ARHGEF2: variants seen among roughly 807,000 people sequenced by gnomAD.
ARHGEF2 encodes the protein Rho/Rac guanine nucleotide exchange factor 2.
Under a neutral mutation model 121.0 loss-of-function variants are expected in ARHGEF2, and 22 were observed. The ratio of observed to expected loss-of-function variants is 0.18; its 90% CI spans 0.13 to 0.26. ARHGEF2 has a LOEUF of 0.26. Among genes scored for constraint, ARHGEF2 ranks in the 10% least tolerant of loss-of-function variants. The pLI, the probability that ARHGEF2 is intolerant of heterozygous loss-of-function variation, is 1.00. For synonymous variants in ARHGEF2, 487 were observed against 530.0 expected, an observed-to-expected ratio of 0.92 and a Z score of 1.11; for missense variants, 907 against 1,336.0, an observed-to-expected ratio of 0.68 and a Z score of 5.01.
intron 1 of ARHGEF2, among the ~76,000 whole-genome samples, chr1:155,975,876 AGAG>A (rs1681212006): frequency 6.6e-6 from 1 of 152,140 alleles, no homozygotes; most frequent in Non-Finnish European, 1.5e-5. Context: ...GGGACTAAAG[AGAG>A]AAAGGGGACC....
Position 155,950,232 on chromosome 1 carries a change from C to G in ARHGEF2, c.2887+67G>C, listed in dbSNP as rs754300617. 2 of 1,568,426 alleles carry G rather than the reference C, an allele frequency of 1.3e-6. No individual in the cohort carries two copies. Among genetic ancestry groups the G allele is most frequent in the Non-Finnish European group, 1.7e-6 (2 of 1,155,110 alleles). On this transcript the variant is annotated intron_variant, in intron 21 of 21. Transcript: ENST00000361247. The surrounding 1 kb of genome is among the most constrained non-coding windows in gnomAD (Gnocchi z 5.2). Reference sequence around the variant, plus strand: ...AGGTCAGTTAGGGCCCATTTGGAAGCCACAGCCCAATGGCCTGTACCCAGG... The same window carrying G: ...AGGTCAGTTAGGGCCCATTTGGAAGGCACAGCCCAATGGCCTGTACCCAGG...
rs1453537762 is a variant in ARHGEF2 at position 155,955,523 on chromosome 1, T to A, written c.1716-554A>T. On this transcript the variant is annotated intron_variant, in intron 13 of 21. Coordinates refer to ENST00000361247, the MANE Select transcript of ARHGEF2 (RefSeq NM_001162383.2). ...AGTGCAGAGGGTCAAGTACAGGCTT[T>A]GGCATCAAGCAAACAGGATGCAAAT... Among the ~76,000 whole-genome samples, 3 of 152,202 alleles carry A rather than the reference T, an allele frequency of 2.0e-5. No homozygotes were observed. In the East Asian group the frequency reaches 5.8e-4, roughly 29 times the overall value.
Position 155,951,215 on chromosome 1 carries a change from G to GCTCAGGGCC in ARHGEF2, c.2308_2316dup (p.Gly770_Glu772dup). ...TTGGCTCGGCACAGCTTCTCCCGCC[G>GCTCAGGGCC]CTCAGGGCCCTCAGGGAACCGGGCT... On this transcript the variant is annotated inframe_insertion, in exon 20 of 22. Transcript: ENST00000361247. The surrounding 1 kb of genome is among the most constrained non-coding windows in gnomAD (Gnocchi z 5.1). 6.2e-7 allele frequency: 1 copy of GCTCAGGGCC among 1,611,270 alleles called. No homozygotes were observed.
chr1:155,955,655 A>G (rs886121035), intron 13 of ARHGEF2, among the ~76,000 whole-genome samples: 2 of 152,210 alleles, frequency 1.3e-5, no homozygotes, highest in Admixed American at 6.5e-5. Flanking sequence ...GAAATGTTAA[A>G]GTGCTTTGAA....
At chr1:155,966,534 A>G (rs970315148) in intron 3 of ARHGEF2, 55 bp from the exon 4 acceptor site, 33 of 1,592,582 alleles carry the variant, frequency 2.1e-5, no homozygotes, top group Non-Finnish European at 2.8e-5. Context: ...CCCAAGGATC[A>G]CCCCCAGAGG....
intron 1 of ARHGEF2, among the ~76,000 whole-genome samples, chr1:155,973,895 G>A (rs1303792357): frequency 2.0e-5 from 3 of 152,244 alleles, no homozygotes; most frequent in East Asian, 1.9e-4. Flanking sequence ...AAACAGTGAC[G>A]TACATGGAGG....
Position 155,963,041 on chromosome 1 carries a change from G to A in ARHGEF2, c.867C>T (p.Ile289=). ...ATAGCTGGCTGAGGAAGCGTGTATGGATGTCACTGAGCTCGTCCACGCAGG... is the reference window on the plus strand; with the variant it reads ...ATAGCTGGCTGAGGAAGCGTGTATGAATGTCACTGAGCTCGTCCACGCAGG... ...LFPCVDELSD[I]HTRFLSQLLE... Residue 289 remains isoleucine, a synonymous_variant, in exon 8 of 22, where the codon ATC becomes ATT. Transcript: ENST00000361247. The A allele has an allele frequency of 6.2e-7, 1 of 1,614,138 alleles. No individual in the cohort carries two copies. Among genetic ancestry groups the A allele is most frequent in the South Asian group, 1.1e-5 (1 of 91,082 alleles).
At chr1:155,960,219 C>CT (rs775851915) in intron 11 of ARHGEF2, among the ~76,000 whole-genome samples, 9 of 152,144 alleles carry the variant, frequency 5.9e-5, no homozygotes, top group Non-Finnish European at 1.2e-4. Context: ...AATCCCAGCA[C>CT]TTTGGGAGGC....
upstream of ARHGEF2, chr1:155,978,620 G>GGCGGA: frequency 4.8e-6 from 6 of 1,252,034 alleles, no homozygotes; most frequent in Non-Finnish European, 6.0e-6. The surrounding 1 kb of genome is among the most constrained non-coding windows in gnomAD (Gnocchi z 4.1). Context: ...GAAGGGGGTA[G>GGCGGA]GCGGAGCGGA....
rs1889533 is a variant in ARHGEF2, at chr1:155,978,139, C to T, written c.63+226G>A. 343,447 of 1,275,366 alleles carry T rather than the reference C, an allele frequency of 0.27. 52,436 individuals are homozygous for T. The highest frequency in any genetic ancestry group is 0.83 in the East Asian group (24,136 of 29,178). The allele number at this position is 1,275,366 out of a possible 1,614,324, so 79.0% of individuals were successfully genotyped here. On this transcript the variant is annotated intron_variant, in intron 1 of 21. Coordinates refer to ENST00000361247, the MANE Select transcript of ARHGEF2 (RefSeq NM_001162383.2). The surrounding 1 kb of genome is among the most constrained non-coding windows in gnomAD (Gnocchi z 4.1). ...TTGGAGGCGACCAAGCCCAGGTCCG[C>T]TCCGCTCCCTCCCGGGATCCCAGCA... is the stretch of plus-strand genomic sequence containing the variant.
chr1:155,977,253 G>C (rs1293844621), intron 1 of ARHGEF2, among the ~76,000 whole-genome samples: 1 of 152,156 alleles, frequency 6.6e-6, no homozygotes, highest in Non-Finnish European at 1.5e-5. Flanking sequence ...GGAGCTGGGA[G>C]GTGCTGTCTG....
At chr1:155,966,674 G>A (rs1420527106) in intron 3 of ARHGEF2, 146 bp downstream of exon 3, 23 of 1,081,078 alleles carry the variant, frequency 2.1e-5, no homozygotes, top group Middle Eastern at 2.0e-4. Context: ...CTTGGGGCCC[G>A]AGGCCTGGGG....
chr1:155,969,382 G>A, intron 1 of ARHGEF2, 82 bp from the exon 2 acceptor site: 3 of 1,574,988 alleles, frequency 1.9e-6, no homozygotes, highest in African/African-American at 1.4e-5. Flanking sequence ...GCTGGGGGCA[G>A]AGGCAAGGAA....
At position 155,978,280 on chromosome 1, in the gene ARHGEF2, G is replaced by A. The variant is rs1572219241; in HGVS notation, c.63+85C>T. 4.4e-6 allele frequency: 6 copies of A among 1,366,726 alleles called. No homozygotes were observed. The highest frequency in any genetic ancestry group is 5.8e-6 in the Non-Finnish European group (6 of 1,036,460). The allele number at this position is 1,366,726 out of a possible 1,614,324, so 84.7% of individuals were successfully genotyped here. ...CGATTTTGGCGCCCAGAAAGCAGGC[G>A]GGGAGACAGGAGATGCACCGCGGGT... On this transcript the variant is annotated intron_variant, in intron 1 of 21. Transcript: ENST00000361247. This position sits in a 1 kb window ranked among gnomAD's most constrained non-coding sequence, Gnocchi z 4.1.
At position 155,957,888 on chromosome 1, in the gene ARHGEF2, A is replaced by C. The variant is rs1173652540; in HGVS notation, c.1546-6T>G. 5.0e-6 allele frequency: 8 copies of C among 1,612,928 alleles called. No individual in the cohort carries two copies. Among genetic ancestry groups the C allele is most frequent in the Admixed American group, 1.7e-5 (1 of 59,860 alleles). ...GATACCACTGAAGGCTTGTCCTGCC[A>C]GTCAGGGGAAAGGAAGGATTAAGCC... On this transcript the variant is annotated splice_polypyrimidine_tract_variant and splice_region_variant and intron_variant, in intron 12 of 21. Coordinates refer to ENST00000361247, the MANE Select transcript of ARHGEF2 (RefSeq NM_001162383.2).
In ARHGEF2 at chr1:155,952,175, T is replaced by C. The variant is rs1364121622; in HGVS notation, c.2045A>G (p.Glu682Gly). Residue 682 changes from glutamate (E) to glycine (G), a missense_variant, in exon 16 of 22, where the codon GAG becomes GGG. Around this residue, in one of 2 missense-constraint regions of ARHGEF2, gnomAD observed 432 missense variants for 559.5 expected, o/e 0.77. Transcript: ENST00000361247. ...GTCTGGTTCCAAGGGCAGGGCTGGC[T>C]CTCGGGGTGTCAAGAGCAGTTCCAC... is the stretch of plus-strand genomic sequence containing the variant. ...PGVELLLTPR[E>G]PALPLEPDSG... 1 of 1,614,044 alleles carries C rather than the reference T, an allele frequency of 6.2e-7. No homozygotes were observed.
At chr1:155,975,596 G>C (rs1026266264) in intron 1 of ARHGEF2, among the ~76,000 whole-genome samples, 2 of 151,974 alleles carry the variant, frequency 1.3e-5, no homozygotes, top group African/African-American at 4.8e-5. Context: ...AACACCGTCA[G>C]CCCTCTCAGC....
chr1:155,964,180 A>ATATACATATATATG (rs1678794808), intron 7 of ARHGEF2, among the ~76,000 whole-genome samples: 1 of 101,578 alleles, frequency 9.8e-6, no homozygotes, highest in Non-Finnish European at 1.8e-5. Context: ...ATATATATAT[A>ATATACATATATATG]TATATATATA....
chr1:155,969,067 C>T, intron 2 of ARHGEF2, 89 bp downstream of exon 2: 3 of 1,520,200 alleles, frequency 2.0e-6, no homozygotes, highest in Non-Finnish European at 2.7e-6. Flanking sequence ...GAAGAGTGAC[C>T]CTCATGGATC....
Sources: allele counts gnomAD v4.1 joint callset (sites outside exome capture counted in the v4.1 genomes callset), GRCh38; gene constraint gnomAD v4.1.1; regional missense constraint gnomAD v4.1.1; non-coding constraint Gnocchi (gnomAD v3.1); transcripts MANE v1.5; gene names NCBI Gene and HGNC (gene_info 2026-07-23, HGNC 2026-07-21).